Variants in EHMT2 observed in about 807,000 individuals in gnomAD.
EHMT2 encodes histone-lysine N-methyltransferase EHMT2.
A neutral mutation model predicts 143.3 loss-of-function variants in EHMT2; 59 were observed. The observed-to-expected ratio is 0.41, with a 90% CI of 0.33 to 0.51. EHMT2 has a LOEUF of 0.51. EHMT2 is among the 20% of genes least tolerant of loss of function. The pLI is 0.18. For synonymous variants in EHMT2, 604 were observed against 651.5 expected (o/e 0.93, Z 1.11); for missense variants, 1,174 against 1,645.9 (o/e 0.71, Z 4.96).
rs960242601 is a variant in EHMT2, at chr6:31,888,001, G to C, written c.1745+40C>G. On this transcript the variant is annotated intron_variant, in intron 13 of 27. Coordinates refer to ENST00000375537, the Ensembl canonical transcript of EHMT2. The surrounding 1 kb of genome is among the most constrained non-coding windows in gnomAD (Gnocchi z 7.4). Reference sequence around the variant, plus strand: ...GCTCATGTCCAGGAGCAATAGGGGTGGGGGAGGGAACAGACAGTACAGAAG... The same window carrying C: ...GCTCATGTCCAGGAGCAATAGGGGTCGGGGAGGGAACAGACAGTACAGAAG... 3 of 1,569,976 alleles carry C rather than the reference G, an allele frequency of 1.9e-6. No homozygotes were observed. Among genetic ancestry groups the C allele is most frequent in the South Asian group, 2.3e-5 (2 of 85,136 alleles).
chr6:31,896,889 C>G (rs1766564729), intron 2 of EHMT2, 34 bp downstream of exon 2: 1 of 1,611,264 alleles, frequency 6.2e-7, no homozygotes. Context: ...GGGAAGGTGA[C>G]GGTCCAATTG....
chr6:31,888,539 G>A lies in EHMT2; in HGVS notation c.1366-33C>T, dbSNP rs541209567. ...CAGTGAGGATGGGTGAGAAGAGAGC[G>A]TGAGGCTGGGGCCGGGGACTGGACG... On this transcript the variant is annotated intron_variant, in intron 11 of 27. Coordinates refer to ENST00000375537, the Ensembl canonical transcript of EHMT2. The surrounding 1 kb of genome is among the most constrained non-coding windows in gnomAD (Gnocchi z 7.4). The A allele has an allele frequency of 1.3e-4, 203 of 1,609,876 alleles. No homozygotes were observed. Among genetic ancestry groups the A allele is most frequent in the Admixed American group, 2.2e-4 (13 of 59,906 alleles).
chr6:31,896,506 T>C, exon 4 of EHMT2: 2 of 1,612,860 alleles, frequency 1.2e-6, no homozygotes, highest in Non-Finnish European at 1.7e-6. Flanking sequence ...GGAATGACTT[T>C]GTGGCATGGC....
At chr6:31,887,373 G>A (rs1417426457) in intron 15 of EHMT2, among the ~76,000 whole-genome samples, 1 of 152,194 alleles carries the variant, frequency 6.6e-6, no homozygotes, top group African/African-American at 2.4e-5. Flanking sequence ...AAGGCTAACA[G>A]GTATAAGCAC....
At chr6:31,896,947 C>T (rs1766579960) in exon 2 of EHMT2, 1 of 1,592,504 alleles carries the variant, frequency 6.3e-7, no homozygotes, top group Non-Finnish European at 8.5e-7. Flanking sequence ...CCTCTGGTTT[C>T]CTTCTCCAGC....
At chr6:31,893,336 TA>T in intron 4 of EHMT2, 1 of 443,352 alleles carries the variant, frequency 2.3e-6, no homozygotes. Context: ...ATACTTTTTT[TA>T]AGAGATAAGG....
chr6:31,881,038 A>G lies in EHMT2; in HGVS notation c.3252T>C (p.Ser1084=), dbSNP rs1168532534. ...CCTTGTTGTCTAAGTCGAAGAGGTA[A>G]GAATCATCCTCTCTCACATCAGCCT... Residue 1084 remains serine, a synonymous_variant, in exon 26 of 28, where the codon TCT becomes TCC. Transcript: ENST00000375537. This position sits in a 1 kb window ranked among gnomAD's most constrained non-coding sequence, Gnocchi z 4.8. 6.2e-7 allele frequency: 1 copy of G among 1,612,814 alleles called. No homozygotes were observed. The highest frequency in any genetic ancestry group is 1.1e-5 in the South Asian group (1 of 91,090).
chr6:31,897,209 G>T, intron 1 of EHMT2: 1 of 1,251,278 alleles, frequency 8.0e-7, no homozygotes, highest in Non-Finnish European at 1.0e-6. Flanking sequence ...GCATCTCTGG[G>T]GCCGAGAGAA....
At chr6:31,886,783 A>G (rs201661039) in exon 17 of EHMT2, 20 of 1,614,074 alleles carry the variant, frequency 1.2e-5, no homozygotes, top group Non-Finnish European at 1.5e-5. Context: ...ACCTTGCTAT[A>G]GACACAGCCA....
chr6:31,897,480 G>A (rs1456906880), intron 1 of EHMT2, among the ~76,000 whole-genome samples, 156 bp downstream of exon 1: 2 of 145,666 alleles, frequency 1.4e-5, no homozygotes, highest in Admixed American at 6.7e-5. Context: ...CCACACCCTG[G>A]TCCCCTCATC....
In EHMT2 at chr6:31,880,898, C is replaced by G. The variant is rs1439967954; in HGVS notation, c.3277-50G>C. 1 of 1,609,828 alleles carries G rather than the reference C, an allele frequency of 6.2e-7. No homozygotes were observed. The highest frequency in any genetic ancestry group is 8.5e-7 in the Non-Finnish European group (1 of 1,177,420). Reference sequence around the variant, plus strand: ...CACATCTCCCCCGACCCTGCTTGCCCTCCCCACCCACTGACTCCCCAGTCC... The same window carrying G: ...CACATCTCCCCCGACCCTGCTTGCCGTCCCCACCCACTGACTCCCCAGTCC... On this transcript the variant is annotated intron_variant, in intron 26 of 27. Transcript: ENST00000375537. The surrounding 1 kb of genome is among the most constrained non-coding windows in gnomAD (Gnocchi z 6.6).
At chr6:31,892,246 C>A (rs752915084) in intron 7 of EHMT2, among the ~76,000 whole-genome samples, 161 bp downstream of exon 7, 1 of 151,382 alleles carries the variant, frequency 6.6e-6, no homozygotes, top group African/African-American at 2.4e-5. Context: ...CGTCTCCCCC[C>A]ACAAAAAAAA....
intron 7 of EHMT2, among the ~76,000 whole-genome samples, chr6:31,891,627 C>T (rs1242114299): frequency 6.6e-6 from 1 of 152,052 alleles, no homozygotes; most frequent in Non-Finnish European, 1.5e-5. Context: ...TGCAAGTTTT[C>T]ATGATAAAAT....
At chr6:31,897,554 C>T (rs1562527274) in intron 1 of EHMT2, 82 bp downstream of exon 1, 1 of 1,085,430 alleles carries the variant, frequency 9.2e-7, no homozygotes, top group Non-Finnish European at 1.1e-6. Context: ...CCCCGTTGCA[C>T]CCCCGGAGCA....
chr6:31,888,136 C>CCGGGGGATGGTCACCT lies in EHMT2; in HGVS notation c.1634_1649dup (p.Gly553HisfsTer5). The CCGGGGGATGGTCACCT allele has an allele frequency of 5.6e-6, 9 of 1,612,450 alleles. No individual in the cohort carries two copies. Among genetic ancestry groups the CCGGGGGATGGTCACCT allele is most frequent in the Non-Finnish European group, 7.6e-6 (9 of 1,179,802 alleles). ...CGGCCGGTGGGGTCACCCCGTCACC[C>CCGGGGGATGGTCACCT]CGGGGGATGGTCACCTCTTGAGCTT... On this transcript the variant is annotated frameshift_variant, in exon 13 of 28. Transcript: ENST00000375537. LOFTEE classifies it high-confidence loss of function. This position sits in a 1 kb window ranked among gnomAD's most constrained non-coding sequence, Gnocchi z 7.4.
chr6:31,891,456 T>C (rs374826526), intron 7 of EHMT2, among the ~76,000 whole-genome samples: 1 of 152,202 alleles, frequency 6.6e-6, no homozygotes, highest in South Asian at 2.1e-4. Context: ...GATATATGTT[T>C]AGGTAAAATG....
intron 18 of EHMT2, chr6:31,885,227 C>A: frequency 1.8e-6 from 1 of 554,206 alleles, no homozygotes; most frequent in South Asian, 3.1e-5. Context: ...CCTGTAATCC[C>A]AGCACTTTGG....
chr6:31,883,275 G>A lies in EHMT2; in HGVS notation c.2994+87C>T, dbSNP rs545427624. ...TTCCCCCACAGGGTAGGAGGTGAGG[G>A]ACATGGTCCCAGGGAGCTGGTTTAT... On this transcript the variant is annotated intron_variant, in intron 23 of 27. Coordinates refer to ENST00000375537, the Ensembl canonical transcript of EHMT2. This position sits in a 1 kb window ranked among gnomAD's most constrained non-coding sequence, Gnocchi z 5.6. 2.2e-6 allele frequency: 3 copies of A among 1,365,778 alleles called. No individual in the cohort carries two copies. The highest frequency in any genetic ancestry group is 1.9e-4 in the Middle Eastern group (1 of 5,180). The allele number at this position is 1,365,778 out of a possible 1,614,324, so 84.6% of individuals were successfully genotyped here.
intron 4 of EHMT2, chr6:31,893,495 A>ATT: frequency 1.2e-4 from 35 of 298,190 alleles, no homozygotes; most frequent in South Asian, 2.2e-4. Flanking sequence ...TGTCTTCTTA[A>ATT]TTTTTTTTTT....
Sources: gnomAD v4.1 joint callset for allele counts (sites outside exome capture counted in the v4.1 genomes callset) on GRCh38, gnomAD v4.1.1 for gene constraint, Gnocchi (gnomAD v3.1) non-coding constraint, MANE v1.5 for transcripts, NCBI Gene and HGNC (gene_info 2026-07-23, HGNC 2026-07-21) for gene names.